The following ATG4C variants were observed in gnomAD, a reference collection of about 807,000 sequenced individuals.
ATG4C encodes autophagy related 4C cysteine peptidase, also known as cysteine protease ATG4C.
In ATG4C, 56 loss-of-function variants were observed where a neutral mutation model predicts 57.6. The observed-to-expected ratio is 0.97, with a 90% CI of 0.78 to 1.21. ATG4C has a LOEUF of 1.21. Among genes scored for constraint, ATG4C ranks in the 50% most tolerant of loss-of-function variants. The pLI, the probability that ATG4C is intolerant of heterozygous loss-of-function variation, is 0.00. For missense variants in ATG4C, 595 were observed against 529.8 expected (o/e 1.12, Z -1.21); for synonymous variants, 157 against 174.1 (o/e 0.90, Z 0.78).
intron 5 of ATG4C, among the ~76,000 whole-genome samples, chr1:62,820,321 C>T (rs899891580): frequency 2.6e-5 from 4 of 152,030 alleles, no homozygotes; most frequent in South Asian, 4.2e-4. Context: ...TTCTGTTGAC[C>T]GTCTTTCCTC....
chr1:62,838,374 A>G (rs1242269229), intron 9 of ATG4C, among the ~76,000 whole-genome samples: 2 of 152,248 alleles, frequency 1.3e-5, no homozygotes, highest in Admixed American at 6.5e-5. Flanking sequence ...CGAAGTGAAC[A>G]TAGCCCTGAA....
intron 1 of ATG4C, among the ~76,000 whole-genome samples, chr1:62,800,493 T>G (rs1374395456): frequency 6.6e-6 from 1 of 152,226 alleles, no homozygotes; most frequent in Non-Finnish European, 1.5e-5. Flanking sequence ...TTCTGCATAG[T>G]GTTTCCCCAT....
intron 7 of ATG4C, among the ~76,000 whole-genome samples, chr1:62,831,215 T>A (rs1665827662): frequency 6.6e-6 from 1 of 152,108 alleles, no homozygotes; most frequent in Admixed American, 6.6e-5. Flanking sequence ...GGTTATATGA[T>A]AGGTATTATG....
intron 1 of ATG4C, among the ~76,000 whole-genome samples, chr1:62,799,957 C>T (rs182227184): frequency 1.3e-5 from 2 of 151,968 alleles, no homozygotes; most frequent in Admixed American, 6.6e-5. Flanking sequence ...ACCATCCTTC[C>T]ACTCTCTGCC....
intron 9 of ATG4C, among the ~76,000 whole-genome samples, chr1:62,836,820 C>T (rs11208043): frequency 0.38 from 57,961 of 151,844 alleles, 11,851 homozygotes; most frequent in East Asian, 0.66. Context: ...ACTGATTCCA[C>T]ATAAATAATT....
chr1:62,850,027 G>A (rs1181628680), intron 10 of ATG4C, among the ~76,000 whole-genome samples: 1 of 152,106 alleles, frequency 6.6e-6, no homozygotes, highest in African/African-American at 2.4e-5. Context: ...ACTATTTAGA[G>A]AGAGACATGA....
chr1:62,829,618 T>C (rs937392817), intron 7 of ATG4C, among the ~76,000 whole-genome samples: 1 of 152,118 alleles, frequency 6.6e-6, no homozygotes, highest in African/African-American at 2.4e-5. Context: ...AGATTATTTC[T>C]ATAGCTAGAA....
intron 3 of ATG4C, among the ~76,000 whole-genome samples, chr1:62,812,964 A>G (rs1369103640): frequency 6.6e-6 from 1 of 152,204 alleles, no homozygotes; most frequent in Non-Finnish European, 1.5e-5. Context: ...GCTCAAGGGA[A>G]TAAAAGAGGA....
At chr1:62,820,655 T>A (rs1180213821) in intron 5 of ATG4C, among the ~76,000 whole-genome samples, 3 of 152,054 alleles carry the variant, frequency 2.0e-5, no homozygotes, top group African/African-American at 7.2e-5. Context: ...GACTTGAAAT[T>A]AGGAAATTCA....
chr1:62,856,738 C>T (rs926545389), intron 10 of ATG4C, among the ~76,000 whole-genome samples: 2 of 152,036 alleles, frequency 1.3e-5, no homozygotes, highest in African/African-American at 4.8e-5. Context: ...GGAACTTGGA[C>T]TGGAACTTTA....
At position 62,821,152 on chromosome 1, in the gene ATG4C, G is replaced by C. The variant is rs1258444955; in HGVS notation, c.739G>C (p.Glu247Gln). 2 of 1,600,410 alleles carry C rather than the reference G, an allele frequency of 1.2e-6. No individual in the cohort carries two copies. Among genetic ancestry groups the C allele is most frequent in the South Asian group, 1.1e-5 (1 of 88,328 alleles). The change falls in exon 6 of 11, where the codon GAA becomes CAA. Residue 247 changes from glutamate (E) to glutamine (Q), a missense_variant. Coordinates refer to ENST00000317868, the MANE Select transcript of ATG4C (RefSeq NM_032852.4). ...VAHILRKAVE[E>Q]ARHPDLQGIT... ...TTATTTTCTCAGAAAAGCAGTTGAA[G>C]AAGCAAGGCATCCTGATTTACAAGG... is the stretch of plus-strand genomic sequence containing the variant.
intron 10 of ATG4C, among the ~76,000 whole-genome samples, chr1:62,844,910 A>G (rs1228572729): frequency 2.0e-5 from 3 of 152,120 alleles, no homozygotes; most frequent in Non-Finnish European, 4.4e-5. Context: ...ATGTTGATCT[A>G]GCTTATTCAT....
At chr1:62,820,838 G>A (rs1289832776) in intron 5 of ATG4C, among the ~76,000 whole-genome samples, 2 of 152,068 alleles carry the variant, frequency 1.3e-5, no homozygotes, top group East Asian at 1.9e-4. Context: ...GGTAAGGTGA[G>A]TGGTTGAGAG....
intron 1 of ATG4C, among the ~76,000 whole-genome samples, chr1:62,801,582 T>C: frequency 6.7e-6 from 1 of 149,190 alleles, no homozygotes; most frequent in East Asian, 1.9e-4. Flanking sequence ...ACCAGCCTGC[T>C]GGGAGGCGGA....
At chr1:62,837,512 A>C (rs77348029) in intron 9 of ATG4C, among the ~76,000 whole-genome samples, 1 of 152,182 alleles carries the variant, frequency 6.6e-6, no homozygotes, top group African/African-American at 2.4e-5. Context: ...AGAGACCTCA[A>C]ATGGGCTTTG....
chr1:62,801,958 CAAAAAA>C (rs60298362), intron 1 of ATG4C, among the ~76,000 whole-genome samples: 2,276 of 51,930 alleles, frequency 0.044, 86 homozygotes, highest in African/African-American at 0.13. Context: ...ACTCTGTCTC[CAAAAAA>C]AAAAAAAAAA....
rs771367811 is a variant in ATG4C, at chr1:62,841,498, A to G, written c.1160A>G (p.Tyr387Cys). Residue 387 changes from tyrosine to cysteine, a missense_variant, in exon 10 of 11, where the codon TAC becomes TGC. Tyr to Cys is a radical substitution (Grantham distance 194). Transcript: ENST00000317868. ...GATCCCAGCTGTACAATAGGATTTT[A>G]CTGTCGAAATGTTCAGGACTTCAAA... ...KMDPSCTIGF[Y>C]CRNVQDFKRA... 7.5e-6 allele frequency: 12 copies of G among 1,606,926 alleles called. No individual in the cohort carries two copies. Among genetic ancestry groups the G allele is most frequent in the Non-Finnish European group, 1.0e-5 (12 of 1,176,134 alleles).
intron 10 of ATG4C, 145 bp downstream of exon 10, chr1:62,841,692 A>G: frequency 1.4e-6 from 1 of 727,190 alleles, no homozygotes; most frequent in Non-Finnish European, 2.1e-6. Context: ...GAATTGAAAA[A>G]TAAAGCCATT....
chr1:62,859,287 T>C (rs972400373), intron 10 of ATG4C, among the ~76,000 whole-genome samples: 2 of 152,132 alleles, frequency 1.3e-5, no homozygotes, highest in Non-Finnish European at 2.9e-5. Context: ...AAATCCAAAA[T>C]GGAAACACTT....
Sources: gnomAD v4.1 joint callset for allele counts (sites outside exome capture counted in the v4.1 genomes callset) on GRCh38, gnomAD v4.1.1 for gene constraint, MANE v1.5 for transcripts, NCBI Gene and HGNC (gene_info 2026-07-23, HGNC 2026-07-21) for gene names.